Variants in ADIPOR2 observed in about 807,000 individuals in gnomAD.
The protein encoded by ADIPOR2 is adiponectin receptor protein 2.
A neutral mutation model predicts 40.9 loss-of-function variants in ADIPOR2; 18 were observed. The observed-to-expected ratio is 0.44, with a 90% CI of 0.30 to 0.65. ADIPOR2 has a LOEUF of 0.65. Ranked by LOEUF, ADIPOR2 falls within the 30% of genes least tolerant of loss-of-function variation. The pLI is 0.09. For synonymous variants in ADIPOR2, 165 were observed against 166.4 expected (o/e 0.99, Z 0.06); for missense variants, 283 against 479.2 (o/e 0.59, Z 3.82).
At chr12:1,711,188 GTC>G (rs2094676060) in intron 1 of ADIPOR2, among the ~76,000 whole-genome samples, 1 of 152,196 alleles carries the variant, frequency 6.6e-6, no homozygotes, top group Admixed American at 6.5e-5. Context: ...CTGCCAAAGA[GTC>G]TATCTGGGAT....
At chr12:1,751,762 C>G (rs1450052952) in intron 1 of ADIPOR2, among the ~76,000 whole-genome samples, 2 of 152,010 alleles carry the variant, frequency 1.3e-5, no homozygotes, top group South Asian at 2.1e-4. Flanking sequence ...TCAAGTGATC[C>G]TCCTGCCACA....
At chr12:1,766,152 T>C (rs1862375833) in intron 2 of ADIPOR2, among the ~76,000 whole-genome samples, 1 of 152,232 alleles carries the variant, frequency 6.6e-6, no homozygotes, top group Non-Finnish European at 1.5e-5. Flanking sequence ...CACAGATTAC[T>C]ATGGTAGTAA....
At chr12:1,766,640 T>C (rs994987523) in intron 2 of ADIPOR2, among the ~76,000 whole-genome samples, 2 of 152,194 alleles carry the variant, frequency 1.3e-5, no homozygotes, top group African/African-American at 4.8e-5. Flanking sequence ...GACAAAAATA[T>C]AAGAGAGGCA....
intron 1 of ADIPOR2, among the ~76,000 whole-genome samples, chr12:1,709,668 C>G (rs1208395011): frequency 6.6e-6 from 1 of 152,050 alleles, no homozygotes. Context: ...ATGTAGAGAT[C>G]ATTCAACAGA....
chr12:1,740,883 CTG>C (rs2094741464), intron 1 of ADIPOR2, among the ~76,000 whole-genome samples: 1 of 152,130 alleles, frequency 6.6e-6, no homozygotes, highest in Non-Finnish European at 1.5e-5. Flanking sequence ...GGAAATTAAA[CTG>C]TGTCAAGTGT....
At chr12:1,735,770 A>G (rs914601952) in intron 1 of ADIPOR2, among the ~76,000 whole-genome samples, 1 of 152,230 alleles carries the variant, frequency 6.6e-6, no homozygotes, top group African/African-American at 2.4e-5. Context: ...CATACGTCCC[A>G]TCAATACCTA....
chr12:1,725,146 A>T (rs2094705391), intron 1 of ADIPOR2, among the ~76,000 whole-genome samples: 1 of 146,904 alleles, frequency 6.8e-6, no homozygotes, highest in South Asian at 2.1e-4. Context: ...TTTTTGAGAC[A>T]GTTTCACTCT....
intron 2 of ADIPOR2, among the ~76,000 whole-genome samples, chr12:1,767,932 T>G (rs1365226705): frequency 6.6e-6 from 1 of 152,050 alleles, no homozygotes; most frequent in Admixed American, 6.5e-5. Flanking sequence ...TAAATGAATT[T>G]TTGAGAAATT....
chr12:1,705,890 A>C (rs2094661253), intron 1 of ADIPOR2, among the ~76,000 whole-genome samples: 1 of 152,212 alleles, frequency 6.6e-6, no homozygotes, highest in South Asian at 2.1e-4. Flanking sequence ...ATTTGAATTC[A>C]GGGTCTTCCA....
At position 1,723,010 on chromosome 12, in the gene ADIPOR2, A is replaced by G. The variant is rs556937773; in HGVS notation, c.-86-31248A>G. ...GATGAGAGATGTGAAAATTCTTTGC[A>G]AGCTCTAAATTGTTACACAAATATA... On this transcript the variant is annotated intron_variant, in intron 1 of 7. Transcript: ENST00000357103. 8.5e-5 allele frequency among the ~76,000 whole-genome samples: 13 copies of G among 152,334 alleles called. No individual in the cohort carries two copies. In the East Asian group the frequency reaches 2.5e-3, roughly 29 times the overall value.
intron 3 of ADIPOR2, among the ~76,000 whole-genome samples, chr12:1,776,628 CAG>C (rs1862602042): frequency 6.6e-6 from 1 of 152,154 alleles, no homozygotes; most frequent in Non-Finnish European, 1.5e-5. Flanking sequence ...AGACTTCCTA[CAG>C]AGGGGATATC....
chr12:1,706,089 A>G (rs1001960966), intron 1 of ADIPOR2, among the ~76,000 whole-genome samples: 1 of 152,192 alleles, frequency 6.6e-6, no homozygotes, highest in African/African-American at 2.4e-5. Flanking sequence ...TAACATCATG[A>G]TGTGGGAAGA....
chr12:1,743,026 G>A (rs2094746226), intron 1 of ADIPOR2, among the ~76,000 whole-genome samples: 1 of 152,056 alleles, frequency 6.6e-6, no homozygotes, highest in South Asian at 2.1e-4. Flanking sequence ...GGAGAATATA[G>A]CAGTCCTAGA....
intron 2 of ADIPOR2, chr12:1,757,360 G>C (rs1224367248): frequency 2.8e-6 from 2 of 703,644 alleles, no homozygotes; most frequent in Non-Finnish European, 2.6e-6. Flanking sequence ...ATGTTGGAAA[G>C]TTGAGTGGCA....
At chr12:1,705,558 T>G (rs1282616490) in intron 1 of ADIPOR2, among the ~76,000 whole-genome samples, 1 of 152,224 alleles carries the variant, frequency 6.6e-6, no homozygotes, top group Non-Finnish European at 1.5e-5. Flanking sequence ...AAATATATTT[T>G]GTGTTTAGAC....
rs768159195 is a variant in ADIPOR2, at chr12:1,754,473, C to T, written c.130C>T (p.Pro44Ser). 1.8e-5 allele frequency: 29 copies of T among 1,612,342 alleles called. No homozygotes were observed. The highest frequency in any genetic ancestry group is 8.5e-7 in the Non-Finnish European group (1 of 1,179,294). Residue 44 changes from proline (P) to serine (S), a missense_variant, in exon 2 of 8, where the codon CCC becomes TCC. Around this residue, in one of 3 missense-constraint regions of ADIPOR2, gnomAD observed 65 missense variants for 79.9 expected, o/e 0.81. Coordinates refer to ENST00000357103, the MANE Select transcript of ADIPOR2 (RefSeq NM_024551.3). ...TGACAGCCACCAAGGAGATTTGGAGCCCATTTTAGAGGCATCTGTTCTATC... is the reference window on the plus strand; with the variant it reads ...TGACAGCCACCAAGGAGATTTGGAGTCCATTTTAGAGGCATCTGTTCTATC... Reference protein sequence around the residue: ...DNDSHQGDLEPILEASVLSSH... With the variant: ...DNDSHQGDLESILEASVLSSH...
intron 1 of ADIPOR2, among the ~76,000 whole-genome samples, chr12:1,733,786 T>G (rs1241791287): frequency 1.6e-5 from 2 of 122,802 alleles, no homozygotes; most frequent in Admixed American, 2.0e-4. Flanking sequence ...GGCCCTGGTG[T>G]GTGATGTTCC....
At chr12:1,714,080 C>A (rs1282298043) in intron 1 of ADIPOR2, among the ~76,000 whole-genome samples, 1 of 152,048 alleles carries the variant, frequency 6.6e-6, no homozygotes, top group Non-Finnish European at 1.5e-5. Flanking sequence ...AGTGCACCTT[C>A]CAGTGATTGC....
intron 1 of ADIPOR2, among the ~76,000 whole-genome samples, chr12:1,746,261 T>G (rs578000985): frequency 3.4e-4 from 52 of 152,326 alleles, no homozygotes; most frequent in African/African-American, 1.2e-3. Flanking sequence ...GGCTCATGCC[T>G]GTAATCCCAG....
Sources: allele counts gnomAD v4.1 joint callset (sites outside exome capture counted in the v4.1 genomes callset), GRCh38; gene constraint gnomAD v4.1.1; regional missense constraint gnomAD v4.1.1; transcripts MANE v1.5; gene names NCBI Gene and HGNC (gene_info 2026-07-23, HGNC 2026-07-21).